Variants in HECTD4 observed in about 807,000 individuals in gnomAD.
The protein encoded by HECTD4 is probable E3 ubiquitin-protein ligase HECTD4.
HECTD4 carries 114 observed loss-of-function variants against 471.5 expected under a neutral mutation model. The ratio of observed to expected loss-of-function variants is 0.24; its 90% confidence interval spans 0.21 to 0.28. The LOEUF (loss-of-function observed/expected upper bound fraction) is 0.28. Ranked by LOEUF, HECTD4 falls within the 10% of genes least tolerant of loss-of-function variation. HECTD4 has a pLI of 1.00. For synonymous variants in HECTD4, 2,012 were observed against 2,256.0 expected, an observed-to-expected ratio of 0.89 and a Z score of 3.07; for missense variants, 3,866 against 5,651.5, an observed-to-expected ratio of 0.68 and a Z score of 10.13.
At chr12:112,185,730 C>T (rs371627538) in intron 60 of HECTD4, among the ~76,000 whole-genome samples, 205 of 152,328 alleles carry the variant, frequency 1.3e-3, no homozygotes, top group African/African-American at 4.7e-3. Flanking sequence ...CCAGAGGTGA[C>T]GGCTTTGACC....
At chr12:112,298,480 ATT>A (rs199649818) in intron 7 of HECTD4, among the ~76,000 whole-genome samples, 10 of 132,756 alleles carry the variant, frequency 7.5e-5, no homozygotes, top group Admixed American at 7.6e-5. Flanking sequence ...AATTATATTA[ATT>A]TTTTTTTTTT....
intron 38 of HECTD4, among the ~76,000 whole-genome samples, chr12:112,232,264 G>C (rs2033399764): frequency 6.6e-6 from 1 of 152,124 alleles, no homozygotes; most frequent in South Asian, 2.1e-4. Flanking sequence ...CCAAGTAGCT[G>C]GGATTACAGG....
In HECTD4 at chr12:112,163,183, G is replaced by C. The variant is rs747501111; in HGVS notation, c.12979C>G (p.Gln4327Glu). ...TTGATGAACTTGCACAGCTCCTCCTGGGTGAACATCTCCAGGGCCCCCCAG... is the reference window on the plus strand; with the variant it reads ...TTGATGAACTTGCACAGCTCCTCCTCGGTGAACATCTCCAGGGCCCCCCAG... ...FFWGALEMFT[Q>E]EELCKFIKFA... Residue 4327 changes from glutamine to glutamate, a missense_variant, in exon 75 of 76, where the codon CAG becomes GAG. Gln to Glu is a conservative substitution (Grantham distance 29). Transcript: ENST00000682272. This position sits in a 1 kb window ranked among gnomAD's most constrained non-coding sequence, Gnocchi z 8.2. The C allele has an allele frequency of 6.2e-7, 1 of 1,613,946 alleles. No homozygotes were observed. The highest frequency in any genetic ancestry group is 8.5e-7 in the Non-Finnish European group (1 of 1,179,836).
Position 112,243,837 on chromosome 12 carries a change from G to T in HECTD4, c.4649+37C>A, listed in dbSNP as rs1473680079. 8.1e-6 allele frequency: 13 copies of T among 1,611,688 alleles called. No homozygotes were observed. In the Admixed American group the frequency reaches 2.0e-4, roughly 25 times the overall value. Reference sequence around the variant, plus strand: ...CTTGTTTTGATGAATGCATTCAGCTGCATGTGGGAACCCAACCCCGGCCAT... The same window carrying T: ...CTTGTTTTGATGAATGCATTCAGCTTCATGTGGGAACCCAACCCCGGCCAT... On this transcript the variant is annotated intron_variant, in intron 30 of 75. Transcript: ENST00000682272. This position sits in a 1 kb window ranked among gnomAD's most constrained non-coding sequence, Gnocchi z 6.6.
chr12:112,315,282 G>A (rs966638460), intron 2 of HECTD4, among the ~76,000 whole-genome samples: 3 of 152,176 alleles, frequency 2.0e-5, no homozygotes, highest in East Asian at 1.9e-4. Context: ...GGCTGACTTC[G>A]ACTTGCTGCC....
At chr12:112,361,192 C>A (rs545157862) in intron 1 of HECTD4, among the ~76,000 whole-genome samples, 1 of 152,264 alleles carries the variant, frequency 6.6e-6, no homozygotes, top group East Asian at 1.9e-4. Flanking sequence ...CCACAAAGCT[C>A]TTCTCCCATC....
intron 27 of HECTD4, 37 bp downstream of exon 27, chr12:112,248,030 G>T: frequency 7.0e-7 from 1 of 1,428,426 alleles, no homozygotes. Flanking sequence ...CTCTCTAAAT[G>T]GCAATACCCC....
chr12:112,276,620 G>A (rs1167111879), intron 9 of HECTD4, among the ~76,000 whole-genome samples: 2 of 152,028 alleles, frequency 1.3e-5, no homozygotes, highest in East Asian at 3.9e-4. Flanking sequence ...GCTAATTTTT[G>A]TATTTTAGTA....
intron 44 of HECTD4, among the ~76,000 whole-genome samples, chr12:112,223,607 A>C (rs1295470088): frequency 2.0e-5 from 3 of 152,170 alleles, no homozygotes; most frequent in African/African-American, 7.2e-5. Flanking sequence ...CTGAGTAGAG[A>C]CAGGGCTTCA....
chr12:112,373,896 C>T (rs911778879), intron 1 of HECTD4, among the ~76,000 whole-genome samples: 1 of 150,732 alleles, frequency 6.6e-6, no homozygotes, highest in East Asian at 2.0e-4. Flanking sequence ...CCCAACTACT[C>T]GGGAGGCTGA....
At chr12:112,251,367 T>C (rs1448943878) in intron 23 of HECTD4, among the ~76,000 whole-genome samples, 1 of 152,252 alleles carries the variant, frequency 6.6e-6, no homozygotes, top group Non-Finnish European at 1.5e-5. Context: ...TCAGACCCCA[T>C]ATACAATAGT....
intron 9 of HECTD4, among the ~76,000 whole-genome samples, chr12:112,276,239 G>A (rs1459767710): frequency 6.6e-6 from 1 of 152,126 alleles, no homozygotes; most frequent in Admixed American, 6.5e-5. Flanking sequence ...GAATCACTGT[G>A]TAAGCTATAT....
chr12:112,198,230 C>T (rs1378100294), intron 55 of HECTD4, among the ~76,000 whole-genome samples: 1 of 152,170 alleles, frequency 6.6e-6, no homozygotes, highest in African/African-American at 2.4e-5. Context: ...TGACAAAGAG[C>T]GCATGGACAG....
intron 1 of HECTD4, among the ~76,000 whole-genome samples, chr12:112,376,620 C>A (rs2036786376): frequency 6.6e-6 from 1 of 152,166 alleles, no homozygotes; most frequent in South Asian, 2.1e-4. Context: ...ATTTGTATCC[C>A]CTGCTCCCCA....
Position 112,264,682 on chromosome 12 carries a change from G to A in HECTD4, c.2620-470C>T, listed in dbSNP as rs1020850193. On this transcript the variant is annotated intron_variant, in intron 16 of 75. Coordinates refer to ENST00000682272, the MANE Select transcript of HECTD4 (RefSeq NM_001388303.1). ...TTGCATCAAGCAATTTAAGCAGGGG[G>A]AATAGTCTTTGGAAAGTTTTTCAAG... 3.3e-5 allele frequency among the ~76,000 whole-genome samples: 5 copies of A among 152,274 alleles called. No individual in the cohort carries two copies. In the South Asian group the frequency reaches 1.0e-3, roughly 32 times the overall value.
Position 112,161,450 on chromosome 12 carries a change from G to A in HECTD4, c.*937C>T, listed in dbSNP as rs1375985625. Reference sequence around the variant, plus strand: ...TCAGTCCACTCTTTTGAAAATGGGTGTGGCCCTTTCCCTTGTCCTACGTCA... The same window carrying A: ...TCAGTCCACTCTTTTGAAAATGGGTATGGCCCTTTCCCTTGTCCTACGTCA... On this transcript the variant is annotated 3_prime_UTR_variant, in exon 76 of 76. Coordinates refer to ENST00000682272, the MANE Select transcript of HECTD4 (RefSeq NM_001388303.1). 2 of 152,240 alleles carry A rather than the reference G, an allele frequency of 1.3e-5. No homozygotes were observed. The highest frequency in any genetic ancestry group is 4.8e-5 in the African/African-American group (2 of 41,454). The allele number at this position is 152,240 out of a possible 1,614,324, so 9.4% of individuals were successfully genotyped here. A position where few individuals can be genotyped will look rare whatever the true frequency, so the allele number is the denominator to read the frequency against.
At position 112,324,304 on chromosome 12, in the gene HECTD4, A is replaced by G. The variant is rs565765676; in HGVS notation, c.178-4562T>C. Among the ~76,000 whole-genome samples, 12 of 150,452 alleles carry G rather than the reference A, an allele frequency of 8.0e-5. No homozygotes were observed. The South Asian group carries it at 2.5e-3, about 32-fold the overall frequency. On this transcript the variant is annotated intron_variant, in intron 1 of 75. Coordinates refer to ENST00000682272, the MANE Select transcript of HECTD4 (RefSeq NM_001388303.1). ...AGCTAATTTTTTGTATTTTTTGTAG[A>G]GATGGGGGTCTCCCTACATTGCCCA...
In HECTD4 at chr12:112,235,459, G is replaced by A; in HGVS notation, c.5725+45C>T. ...GCAAGGGGGACCTGACTGGGCACAG[G>A]AATGCTGCACTGCCATGCTACTCTC... On this transcript the variant is annotated intron_variant, in intron 36 of 75. Coordinates refer to ENST00000682272, the MANE Select transcript of HECTD4 (RefSeq NM_001388303.1). This position sits in a 1 kb window ranked among gnomAD's most constrained non-coding sequence, Gnocchi z 5.0. The A allele has an allele frequency of 6.4e-7, 1 of 1,559,460 alleles. No individual in the cohort carries two copies. The highest frequency in any genetic ancestry group is 8.7e-7 in the Non-Finnish European group (1 of 1,153,560).
intron 44 of HECTD4, 192 bp downstream of exon 44, chr12:112,226,451 A>C (rs192870069): frequency 3.3e-4 from 146 of 439,076 alleles, no homozygotes; most frequent in Non-Finnish European, 2.7e-4. Flanking sequence ...TGATTTCCTA[A>C]CTGGTGTAGA....
Sources: allele counts gnomAD v4.1 joint callset (sites outside exome capture counted in the v4.1 genomes callset), GRCh38; gene constraint gnomAD v4.1.1; non-coding constraint Gnocchi (gnomAD v3.1); transcripts MANE v1.5; gene names NCBI Gene and HGNC (gene_info 2026-07-23, HGNC 2026-07-21).